The following PPAN variants were observed in gnomAD, a reference collection of about 807,000 sequenced individuals.
PPAN encodes suppressor of SWI4 1 homolog.
In PPAN, 39 loss-of-function variants were observed where a neutral mutation model predicts 48.5. The ratio of observed to expected loss-of-function variants is 0.80; its 90% CI spans 0.62 to 1.05. The LOEUF is 1.05. PPAN is among the 50% of genes least tolerant of loss of function. PPAN has a pLI of 0.00. For synonymous variants in PPAN, 315 were observed against 268.6 expected (o/e 1.17, Z -1.69); for missense variants, 736 against 661.7 (o/e 1.11, Z -1.23).
In PPAN at chr19:10,107,957, C is replaced by G. The variant is rs1280815555; in HGVS notation, c.343-7C>G. 6 of 1,604,424 alleles carry G rather than the reference C, an allele frequency of 3.7e-6. No individual in the cohort carries two copies. Among genetic ancestry groups the G allele is most frequent in the Non-Finnish European group, 3.4e-6 (4 of 1,173,600 alleles). ...GTGGTCACCCCCTCCTCTCTCCTGT[C>G]CTACAGTACTCGCTGGTGCGTGATG... On this transcript the variant is annotated splice_polypyrimidine_tract_variant and splice_region_variant and intron_variant, in intron 4 of 11. Transcript: ENST00000253107.
rs2089095830 is a variant in PPAN at position 10,111,951 on chromosome 19, A to G, written c.*786A>G. Among the ~76,000 whole-genome samples the G allele has an allele frequency of 6.6e-6, 1 of 152,162 alleles. No individual in the cohort carries two copies. Among genetic ancestry groups the G allele is most frequent in the Non-Finnish European group, 1.5e-5 (1 of 68,022 alleles). On this transcript the variant is annotated 3_prime_UTR_variant, in exon 12 of 12. Coordinates refer to ENST00000253107, the MANE Select transcript of PPAN (RefSeq NM_020230.7). Reference sequence around the variant, plus strand: ...AAGGAGAAACCCCGTCTCTACTAAAAATAAAAAAATTAGCTGGGCCTGGTG... The same window carrying G: ...AAGGAGAAACCCCGTCTCTACTAAAGATAAAAAAATTAGCTGGGCCTGGTG...
intron 2 of PPAN, 49 bp downstream of exon 2, chr19:10,106,720 T>C (rs1468989127): frequency 6.7e-7 from 1 of 1,490,648 alleles, no homozygotes; most frequent in Non-Finnish European, 9.0e-7. Flanking sequence ...GGCCTAGTCT[T>C]CGTAGCTGCA....
In PPAN at chr19:10,111,745, G is replaced by A. The variant is rs778692264; in HGVS notation, c.*580G>A. On this transcript the variant is annotated 3_prime_UTR_variant, in exon 12 of 12. Coordinates refer to ENST00000253107, the MANE Select transcript of PPAN (RefSeq NM_020230.7). ...GCATGGCAGCCAACGTCTCGGGTAA[G>A]GAGAAGGCATGTTGGCTGTCTCTGG... 4 of 1,613,662 alleles carry A rather than the reference G, an allele frequency of 2.5e-6. No homozygotes were observed. Among genetic ancestry groups the A allele is most frequent in the South Asian group, 2.2e-5 (2 of 91,062 alleles).
rs764055119 is a variant in PPAN, at chr19:10,110,648, G to A, written c.1031+34G>A. The A allele has an allele frequency of 2.2e-4, 347 of 1,610,956 alleles. 1 individual carries two copies. The highest frequency in any genetic ancestry group is 1.5e-3 in the Admixed American group (88 of 59,486). On this transcript the variant is annotated intron_variant, in intron 10 of 11. Transcript: ENST00000253107. The surrounding 1 kb of genome is among the most constrained non-coding windows in gnomAD (Gnocchi z 5.9). The stretch of plus-strand genomic sequence containing the variant: ...AGAGCTGGGAAGGGCAGGGCCAAGG[G>A]GGGGTCCCTGGGATGGGCGGCTATG...
chr19:10,110,935 C>T lies in PPAN; in HGVS notation c.1202-10C>T, dbSNP rs1331037921. The T allele has an allele frequency of 4.3e-6, 7 of 1,613,304 alleles. No individual in the cohort carries two copies. Among genetic ancestry groups the T allele is most frequent in the Non-Finnish European group, 4.2e-6 (5 of 1,179,932 alleles). On this transcript the variant is annotated splice_polypyrimidine_tract_variant and intron_variant, in intron 11 of 11. Coordinates refer to ENST00000253107, the MANE Select transcript of PPAN (RefSeq NM_020230.7). The surrounding 1 kb of genome is among the most constrained non-coding windows in gnomAD (Gnocchi z 5.9). ...GTCTCTGGGGGCCCTGACACTGTCT[C>T]TCCCCACAGACCTGTTCCCCGAGGC...
rs935398171 is a variant in PPAN, at chr19:10,111,201, G to T, written c.*36G>T. The T allele has an allele frequency of 1.4e-5, 21 of 1,502,430 alleles. No homozygotes were observed. Among genetic ancestry groups the T allele is most frequent in the Non-Finnish European group, 1.9e-5 (21 of 1,128,682 alleles). 93.1% of individuals were successfully genotyped at this position (1,502,430 alleles called of 1,614,324 possible). A position where few individuals can be genotyped will look rare whatever the true frequency, so the allele number is the denominator to read the frequency against. On this transcript the variant is annotated 3_prime_UTR_variant, in exon 12 of 12. Transcript: ENST00000253107. Reference sequence around the variant, plus strand: ...CACCGGAGCAGCGGCTGGATTGAACGCCCCAGATTGGGGCCCGAGATGTGG... The same window carrying T: ...CACCGGAGCAGCGGCTGGATTGAACTCCCCAGATTGGGGCCCGAGATGTGG...
In PPAN at chr19:10,109,944, C is replaced by T. The variant is rs146709614; in HGVS notation, c.622C>T (p.Arg208Cys). 4.3e-5 allele frequency: 69 copies of T among 1,613,912 alleles called. No individual in the cohort carries two copies. The highest frequency in any genetic ancestry group is 6.7e-5 in the Admixed American group (4 of 60,008). ...CAAAGTTGTTCCTGTGGGCGCGAGT[C>T]GCGGGATGAAGAAGCTGCTCCAGGA... ...SIKVVPVGAS[R>C]GMKKLLQEKF... The change falls in exon 7 of 12, where the codon CGC (arginine) becomes TGC (cysteine). Residue 208 changes from arginine to cysteine, a missense_variant. Arg to Cys is a radical substitution (Grantham distance 180, BLOSUM62 -3). Transcript: ENST00000253107.
At chr19:10,106,273 G>A (rs867284680), upstream of PPAN, 18 of 1,483,760 alleles carry the variant, frequency 1.2e-5, no homozygotes, top group Non-Finnish European at 1.6e-5. Flanking sequence ...GCTCCCAGAG[G>A]CCACCTAGTG....
chr19:10,110,990 GGCGGAA>G lies in PPAN; in HGVS notation c.1258_1263del (p.Lys420_Arg421del), dbSNP rs749628554. 3 of 1,613,286 alleles carry G rather than the reference GGCGGAA, an allele frequency of 1.9e-6. No individual in the cohort carries two copies. The highest frequency in any genetic ancestry group is 1.1e-5 in the South Asian group (1 of 91,064). On this transcript the variant is annotated inframe_deletion, in exon 12 of 12. Coordinates refer to ENST00000253107, the MANE Select transcript of PPAN (RefSeq NM_020230.7). The surrounding 1 kb of genome is among the most constrained non-coding windows in gnomAD (Gnocchi z 5.9). Reference sequence around the variant, plus strand: ...CAGAAACGGCTTGCCAAGTCTCCAGGGCGGAAGCGGAAGCGGTGGGAAATGGATCGA... The same window carrying G: ...CAGAAACGGCTTGCCAAGTCTCCAGGGCGGAAGCGGTGGGAAATGGATCGA...
At position 10,111,267 on chromosome 19, in the gene PPAN, T is replaced by G; in HGVS notation, c.*102T>G. On this transcript the variant is annotated 3_prime_UTR_variant, in exon 12 of 12. Coordinates refer to ENST00000253107, the MANE Select transcript of PPAN (RefSeq NM_020230.7). ...CATAAAGGAGTTGTGTCCCCAGCCC[T>G]TCCACTCCAGTAAAGAACTGAATTG... 1 of 1,291,596 alleles carries G rather than the reference T, an allele frequency of 7.7e-7. No individual in the cohort carries two copies. The highest frequency in any genetic ancestry group is 1.5e-5 in the South Asian group (1 of 64,956). The allele number at this position is 1,291,596 out of a possible 1,614,324, so 80.0% of individuals were successfully genotyped here.
At position 10,111,813 on chromosome 19, in the gene PPAN, A is replaced by G. The variant is rs377502733; in HGVS notation, c.*648A>G. ...GGAGGTGGGGGTAGTGGGTATTGGT[A>G]AAACACCTAGGTCTGGGGCTGGGCA... On this transcript the variant is annotated 3_prime_UTR_variant, in exon 12 of 12. Coordinates refer to ENST00000253107, the MANE Select transcript of PPAN (RefSeq NM_020230.7). 5.1e-5 allele frequency: 79 copies of G among 1,563,168 alleles called. No homozygotes were observed. The African/African-American group carries it at 9.9e-4, about 20-fold the overall frequency.
chr19:10,106,480 C>T, intron 1 of PPAN, 21 bp from the exon 2 acceptor site: 1 of 1,549,598 alleles, frequency 6.5e-7, no homozygotes, highest in Non-Finnish European at 8.7e-7. Flanking sequence ...GGCGCTGACC[C>T]TTTGTCTCTC....
At chr19:10,107,648 C>T in intron 3 of PPAN, 42 bp downstream of exon 3, 3 of 1,609,102 alleles carry the variant, frequency 1.9e-6, no homozygotes, top group South Asian at 1.1e-5. Flanking sequence ...CAGACCCCCC[C>T]TTCCCCTATC....
chr19:10,109,628 C>G lies in PPAN; in HGVS notation c.514-3C>G. On this transcript the variant is annotated splice_polypyrimidine_tract_variant and splice_region_variant and intron_variant, in intron 5 of 11. Coordinates refer to ENST00000253107, the MANE Select transcript of PPAN (RefSeq NM_020230.7). ...GGACTATGCTCTCTTCCTCCCCTTC[C>G]AGGTGAACCTGAACACCATCAAGCG... 1 of 1,612,312 alleles carries G rather than the reference C, an allele frequency of 6.2e-7. No individual in the cohort carries two copies. The highest frequency in any genetic ancestry group is 1.1e-5 in the South Asian group (1 of 90,820).
rs376791758 is a variant in PPAN, at chr19:10,110,775, G to A, written c.1110G>A (p.Thr370=). 1.0e-4 allele frequency: 161 copies of A among 1,613,852 alleles called. No individual in the cohort carries two copies. Among genetic ancestry groups the A allele is most frequent in the South Asian group, 7.5e-4 (68 of 91,082 alleles). Residue 370 remains threonine, a synonymous_variant, in exon 11 of 12, where the codon ACG becomes ACA. Transcript: ENST00000253107. The surrounding 1 kb of genome is among the most constrained non-coding windows in gnomAD (Gnocchi z 5.9). ...DEEASGIPSR[T]ASLELGEDDD... ...AGGCCTCTGGGATCCCTTCAAGGAC[G>A]GCGAGCCTGGAGTTGGGTGAGGACG...
rs1201573225 is a variant in PPAN, at chr19:10,110,198, T to C, written c.774T>C (p.Ala258=). The C allele has an allele frequency of 1.2e-6, 2 of 1,611,116 alleles. No individual in the cohort carries two copies. Among genetic ancestry groups the C allele is most frequent in the East Asian group, 2.2e-5 (1 of 44,864 alleles). The change falls in exon 8 of 12, where the codon GCT becomes GCC. Residue 258 remains alanine (A), a synonymous_variant. Transcript: ENST00000253107. The surrounding 1 kb of genome is among the most constrained non-coding windows in gnomAD (Gnocchi z 5.9). ...TCACAGAGCTGCCTCAGGCTGTCGC[T>C]GGCCGTGGCAACATGCGGGCCCAGC... ...HNITELPQAV[A]GRGNMRAQQS... is the part of the protein sequence containing the mutation.
In PPAN at chr19:10,111,654, C is replaced by G; in HGVS notation, c.*489C>G. On this transcript the variant is annotated 3_prime_UTR_variant, in exon 12 of 12. Transcript: ENST00000253107. ...TGGGGCTGGGGCAGGGCCCACTAAG[C>G]CACTGGTGACTGGGGGAGGGGCTGG... 5.0e-6 allele frequency: 8 copies of G among 1,604,810 alleles called. No homozygotes were observed. The highest frequency in any genetic ancestry group is 6.8e-6 in the Non-Finnish European group (8 of 1,172,920).
chr19:10,107,890 G>T, intron 4 of PPAN, 36 bp downstream of exon 4: 1 of 1,608,102 alleles, frequency 6.2e-7, no homozygotes, highest in South Asian at 1.1e-5. Context: ...GCCATGTGGG[G>T]TGGGAGCTGG....
rs2089038389 is a variant in PPAN, at chr19:10,110,922, C to G, written c.1202-23C>G. ...AGAGCCTGTCCTTGTCTCTGGGGGCCCTGACACTGTCTCTCCCCACAGACC... is the reference window on the plus strand; with the variant it reads ...AGAGCCTGTCCTTGTCTCTGGGGGCGCTGACACTGTCTCTCCCCACAGACC... On this transcript the variant is annotated intron_variant, in intron 11 of 11. Coordinates refer to ENST00000253107, the MANE Select transcript of PPAN (RefSeq NM_020230.7). This position sits in a 1 kb window ranked among gnomAD's most constrained non-coding sequence, Gnocchi z 5.9. The G allele has an allele frequency of 6.2e-7, 1 of 1,613,124 alleles. No individual in the cohort carries two copies. The highest frequency in any genetic ancestry group is 8.5e-7 in the Non-Finnish European group (1 of 1,179,814).
Sources: allele counts gnomAD v4.1 joint callset (sites outside exome capture counted in the v4.1 genomes callset), GRCh38; gene constraint gnomAD v4.1.1; non-coding constraint Gnocchi (gnomAD v3.1); transcripts MANE v1.5; gene names NCBI Gene and HGNC (gene_info 2026-07-23, HGNC 2026-07-21).